Variants in FSIP1 observed in about 807,000 individuals in gnomAD.
FSIP1 encodes fibrous sheath interacting protein 1, also known as fibrous sheath-interacting protein 1.
Under a neutral mutation model 60.9 loss-of-function variants are expected in FSIP1, and 65 were observed. The observed-to-expected ratio is 1.07, with a 90% confidence interval of 0.87 to 1.31. The LOEUF (loss-of-function observed/expected upper bound fraction) is 1.31, where lower values mean the gene tolerates loss of function less well. FSIP1 is among the 40% of genes most tolerant of loss of function. FSIP1 has a pLI of 0.00. For synonymous variants in FSIP1, 209 were observed against 221.2 expected (o/e 0.94, Z 0.49); for missense variants, 675 against 665.5 (o/e 1.01, Z -0.16).
At chr15:39,663,824 T>C (rs1340165584) in intron 10 of FSIP1, among the ~76,000 whole-genome samples, 2 of 152,360 alleles carry the variant, frequency 1.3e-5, no homozygotes, top group East Asian at 3.9e-4. Context: ...ACAGGCATTA[T>C]TCAGTGATCC....
chr15:39,646,094 G>A (rs778099896), intron 10 of FSIP1, among the ~76,000 whole-genome samples: 22 of 152,194 alleles, frequency 1.4e-4, no homozygotes, highest in Non-Finnish European at 2.2e-4. Context: ...GGCTAAGGAC[G>A]AAGAGGGCAG....
At chr15:39,638,901 C>T (rs1295512277) in intron 10 of FSIP1, among the ~76,000 whole-genome samples, 2 of 151,968 alleles carry the variant, frequency 1.3e-5, no homozygotes, top group Non-Finnish European at 2.9e-5. Context: ...TCAATAGAAA[C>T]TTTAAACTTC....
intron 10 of FSIP1, among the ~76,000 whole-genome samples, chr15:39,682,271 TG>T (rs1219317814): frequency 6.6e-6 from 1 of 152,176 alleles, no homozygotes; most frequent in African/African-American, 2.4e-5. Context: ...CATTTTTATA[TG>T]CTTATAAAAC....
At chr15:39,699,023 T>C (rs1894945519) in intron 10 of FSIP1, among the ~76,000 whole-genome samples, 1 of 152,236 alleles carries the variant, frequency 6.6e-6, no homozygotes, top group South Asian at 2.1e-4. Flanking sequence ...GACCTGCCCT[T>C]GTGGTCTCAA....
At chr15:39,693,953 G>A (rs752032756) in intron 10 of FSIP1, among the ~76,000 whole-genome samples, 5 of 152,096 alleles carry the variant, frequency 3.3e-5, no homozygotes, top group Non-Finnish European at 7.4e-5. Flanking sequence ...AAAAAAAAAT[G>A]ATAAGAAGGT....
chr15:39,617,725 CA>C lies in FSIP1; in HGVS notation c.1699+9del, dbSNP rs1340732778. 6.3e-7 allele frequency: 1 copy of C among 1,599,608 alleles called. No homozygotes were observed. The highest frequency in any genetic ancestry group is 8.5e-7 in the Non-Finnish European group (1 of 1,172,868). On this transcript the variant is annotated intron_variant, in intron 11 of 11. Transcript: ENST00000350221. ...ATTATTTACCAAAACACATGTTCGC[CA>C]AGCCTCACCTGCTATTGTATTCTCT...
chr15:39,723,335 T>G (rs1046220830), intron 9 of FSIP1, among the ~76,000 whole-genome samples: 2 of 152,130 alleles, frequency 1.3e-5, no homozygotes, highest in Admixed American at 6.5e-5. Context: ...TTCACGCCAT[T>G]CTCCTGCCTC....
rs140329762 is a variant in FSIP1 at position 39,767,889 on chromosome 15, G to A, written c.311-2143C>T. 9.7e-4 allele frequency among the ~76,000 whole-genome samples: 148 copies of A among 152,260 alleles called. No homozygotes were observed. The East Asian group carries it at 0.021, about 22-fold the overall frequency. On this transcript the variant is annotated intron_variant, in intron 3 of 11. Transcript: ENST00000350221. ...CATCCTCCAAGCCAACATGTGATTC[G>A]ATTCTTCTGGTATACCAGGGCAAGA...
chr15:39,728,921 G>A (rs770074252), intron 8 of FSIP1, among the ~76,000 whole-genome samples: 35 of 151,808 alleles, frequency 2.3e-4, no homozygotes, highest in Non-Finnish European at 4.4e-4. Flanking sequence ...AAAGAGCAAA[G>A]TAGGCAAAAG....
chr15:39,738,069 T>A (rs1234151423), intron 8 of FSIP1, 22 bp downstream of exon 8: 1 of 1,289,846 alleles, frequency 7.8e-7, no homozygotes, highest in African/African-American at 1.5e-5. Flanking sequence ...AAGTGTAGTG[T>A]TCCCTATCAG....
chr15:39,617,312 T>G (rs74008647), intron 11 of FSIP1, among the ~76,000 whole-genome samples: 1 of 152,100 alleles, frequency 6.6e-6, no homozygotes, highest in Non-Finnish European at 1.5e-5. Context: ...GAGAGGAGGT[T>G]TGCATACAGA....
intron 10 of FSIP1, among the ~76,000 whole-genome samples, chr15:39,619,063 C>A (rs1253079040): frequency 6.6e-6 from 1 of 152,068 alleles, no homozygotes; most frequent in African/African-American, 2.4e-5. Context: ...AAGAAGTCCC[C>A]ATAAGAAAAC....
chr15:39,704,784 T>C (rs1895197457), intron 10 of FSIP1, among the ~76,000 whole-genome samples: 1 of 152,236 alleles, frequency 6.6e-6, no homozygotes, highest in South Asian at 2.1e-4. Context: ...GGTTCATATA[T>C]GCTTATATCA....
At chr15:39,615,414 C>CAAAAAAAA (rs576946264) in intron 11 of FSIP1, among the ~76,000 whole-genome samples, 3 of 51,670 alleles carry the variant, frequency 5.8e-5, no homozygotes, top group Admixed American at 1.9e-4. Context: ...AACTCAATAG[C>CAAAAAAAA]AAAAAAAAAA....
chr15:39,677,250 T>C (rs996684860), intron 10 of FSIP1, among the ~76,000 whole-genome samples: 4 of 152,208 alleles, frequency 2.6e-5, no homozygotes, highest in Non-Finnish European at 5.9e-5. Context: ...ATGAAATCAG[T>C]AGATTTCAAA....
chr15:39,663,731 G>C (rs4503768), intron 10 of FSIP1, among the ~76,000 whole-genome samples: 24,362 of 152,114 alleles, frequency 0.16, 2,170 homozygotes, highest in African/African-American at 0.2. Flanking sequence ...TTAAGTTCCA[G>C]GATAAAATAC....
chr15:39,692,823 G>A (rs1020556232), intron 10 of FSIP1, among the ~76,000 whole-genome samples: 22 of 152,206 alleles, frequency 1.4e-4, no homozygotes, highest in African/African-American at 5.1e-4. Context: ...CAGCTAAGCC[G>A]CTTAATGTCC....
intron 5 of FSIP1, among the ~76,000 whole-genome samples, chr15:39,759,577 T>C (rs1046374741): frequency 3.3e-5 from 5 of 152,220 alleles, no homozygotes; most frequent in Non-Finnish European, 2.9e-5. Context: ...TTTGAAAGTA[T>C]ACCCATTTTC....
At chr15:39,599,971 A>G (rs1221978610), downstream of FSIP1, 1 of 152,264 alleles carries the variant, frequency 6.6e-6, no homozygotes, top group Non-Finnish European at 1.5e-5. Flanking sequence ...GAAATTCCAT[A>G]TAAACAATCA....
Sources: allele counts gnomAD v4.1 joint callset (sites outside exome capture counted in the v4.1 genomes callset), GRCh38; gene constraint gnomAD v4.1.1; transcripts MANE v1.5; gene names NCBI Gene and HGNC (gene_info 2026-07-23, HGNC 2026-07-21).